SYT16: variants seen among roughly 807,000 people sequenced by gnomAD.
SYT16 encodes synaptotagmin 16.
A neutral mutation model predicts 61.4 loss-of-function variants in SYT16; 42 were observed. The ratio of observed to expected loss-of-function variants is 0.68; its 90% CI spans 0.53 to 0.89. The LOEUF is 0.89. Among genes scored for constraint, SYT16 ranks in the 40% least tolerant of loss-of-function variants. The pLI is 0.00. For synonymous variants in SYT16, 314 were observed against 302.3 expected, an observed-to-expected ratio of 1.04 and a Z score of -0.40; for missense variants, 804 against 807.3, an observed-to-expected ratio of 1.00 and a Z score of 0.05.
intron 1 of SYT16, among the ~76,000 whole-genome samples, chr14:61,907,874 C>G (rs1181141753): frequency 1.3e-5 from 2 of 152,214 alleles, no homozygotes; most frequent in African/African-American, 4.8e-5. Flanking sequence ...AGAAATATCA[C>G]TTGAATAAAG....
intron 1 of SYT16, among the ~76,000 whole-genome samples, chr14:61,937,414 T>C (rs186277308): frequency 3.5e-4 from 54 of 152,360 alleles, no homozygotes; most frequent in Non-Finnish European, 7.3e-4. Context: ...CCTTTGAAAG[T>C]AAGGTACATA....
intron 1 of SYT16, among the ~76,000 whole-genome samples, chr14:61,834,648 G>T (rs546173895): frequency 1.3e-5 from 2 of 152,050 alleles, no homozygotes; most frequent in South Asian, 4.2e-4. Flanking sequence ...TGTTGGCCAG[G>T]TTGGTCTTGA....
At chr14:62,005,233 T>C (rs900327105) in intron 3 of SYT16, among the ~76,000 whole-genome samples, 1 of 152,154 alleles carries the variant, frequency 6.6e-6, no homozygotes, top group African/African-American at 2.4e-5. Flanking sequence ...TCTAAACATT[T>C]TCTGGCTTAC....
chr14:61,838,440 C>T (rs17099256), intron 1 of SYT16, among the ~76,000 whole-genome samples: 2,720 of 152,218 alleles, frequency 0.018, 76 homozygotes, highest in African/African-American at 0.061. Flanking sequence ...CACCCACTGA[C>T]GACCACCCTG....
intron 1 of SYT16, among the ~76,000 whole-genome samples, chr14:61,829,183 T>C (rs2045860703): frequency 6.6e-6 from 1 of 152,212 alleles, no homozygotes; most frequent in South Asian, 2.1e-4. Context: ...CTGCTTGACA[T>C]ATATTTAAGT....
chr14:61,873,037 G>GT (rs545005280), intron 1 of SYT16, among the ~76,000 whole-genome samples: 1 of 151,960 alleles, frequency 6.6e-6, no homozygotes, highest in Admixed American at 6.5e-5. Flanking sequence ...TTATCTGTTT[G>GT]TTTTTTTCAT....
At chr14:61,954,367 T>C (rs901252436) in intron 1 of SYT16, among the ~76,000 whole-genome samples, 1 of 151,510 alleles carries the variant, frequency 6.6e-6, no homozygotes, top group Non-Finnish European at 1.5e-5. Flanking sequence ...AAACATCTAG[T>C]GACTGTGTGA....
intron 3 of SYT16, among the ~76,000 whole-genome samples, chr14:62,058,643 C>T (rs908075346): frequency 6.6e-6 from 1 of 152,130 alleles, no homozygotes; most frequent in Non-Finnish European, 1.5e-5. Context: ...GGATTACAGG[C>T]ATGAGCCACC....
intron 1 of SYT16, among the ~76,000 whole-genome samples, chr14:61,899,374 A>T (rs143805368): frequency 6.6e-6 from 1 of 152,188 alleles, no homozygotes; most frequent in Non-Finnish European, 1.5e-5. Context: ...TCCTTTGACA[A>T]TAAAACCTTT....
In SYT16 at chr14:62,007,687, A is replaced by G. The variant is rs188368971; in HGVS notation, c.523+11145A>G. Among the ~76,000 whole-genome samples the G allele has an allele frequency of 5.4e-3, 818 of 152,254 alleles. 8 individuals are homozygous for G. The highest frequency in any genetic ancestry group is 6.0e-3 in the Non-Finnish European group (407 of 67,988). ...AAGATACAAATGATCAGACAATTCA[A>G]TCCTTACTTTGACTTCTGGATGTTG... On this transcript the variant is annotated intron_variant, in intron 3 of 7. Coordinates refer to ENST00000683842, the MANE Select transcript of SYT16 (RefSeq NM_001367656.1).
intron 5 of SYT16, 59 bp downstream of exon 5, chr14:62,075,450 T>G: frequency 6.9e-7 from 1 of 1,455,758 alleles, no homozygotes; most frequent in Middle Eastern, 2.3e-4. Flanking sequence ...CTCTTTCCAC[T>G]CTCCTTTCTC....
At chr14:62,053,648 G>A (rs974617295) in intron 3 of SYT16, among the ~76,000 whole-genome samples, 2 of 152,202 alleles carry the variant, frequency 1.3e-5, no homozygotes, top group African/African-American at 4.8e-5. Context: ...TATAATAGAT[G>A]TTAAGGGCAG....
chr14:61,959,341 TTC>T (rs1371824730), intron 1 of SYT16, among the ~76,000 whole-genome samples: 2 of 152,166 alleles, frequency 1.3e-5, no homozygotes, highest in African/African-American at 4.8e-5. Context: ...TCCTCTCTTT[TTC>T]TCTTAGTGTC....
chr14:61,842,275 A>G (rs542513859), intron 1 of SYT16, among the ~76,000 whole-genome samples: 4 of 152,108 alleles, frequency 2.6e-5, no homozygotes, highest in Non-Finnish European at 5.9e-5. Context: ...ACTTATGAAT[A>G]CTTTCTACTT....
intron 7 of SYT16, among the ~76,000 whole-genome samples, 157 bp downstream of exon 7, chr14:62,084,542 G>A (rs1209914096): frequency 6.6e-6 from 1 of 152,092 alleles, no homozygotes; most frequent in Non-Finnish European, 1.5e-5. Flanking sequence ...TTTTTAAATG[G>A]CTCTCTATTT....
chr14:61,812,306 T>G (rs962487949), upstream of SYT16: 1 of 152,352 alleles, frequency 6.6e-6, no homozygotes, highest in African/African-American at 2.4e-5. Flanking sequence ...GGGCTGAGCA[T>G]GGGGTCCCAA....
intron 2 of SYT16, among the ~76,000 whole-genome samples, chr14:61,989,168 C>T (rs768003119): frequency 6.6e-6 from 1 of 152,010 alleles, no homozygotes; most frequent in Non-Finnish European, 1.5e-5. Flanking sequence ...GGTATTAGCT[C>T]ATTAGGGAAA....
intron 1 of SYT16, among the ~76,000 whole-genome samples, chr14:61,815,700 T>A (rs965294497): frequency 3.9e-5 from 6 of 152,188 alleles, no homozygotes; most frequent in African/African-American, 1.4e-4. Context: ...TTTCAGTAAG[T>A]TATCATGAAA....
At chr14:61,925,933 A>G (rs1480193618) in intron 1 of SYT16, among the ~76,000 whole-genome samples, 2 of 152,238 alleles carry the variant, frequency 1.3e-5, no homozygotes, top group East Asian at 3.9e-4. Context: ...GTCATGGTTC[A>G]GATTGTGTAA....
Sources: gnomAD v4.1 joint callset for allele counts (sites outside exome capture counted in the v4.1 genomes callset) on GRCh38, gnomAD v4.1.1 for gene constraint, MANE v1.5 for transcripts, NCBI Gene and HGNC (gene_info 2026-07-23, HGNC 2026-07-21) for gene names.